SVEP1: variants seen among roughly 807,000 people sequenced by gnomAD.
SVEP1 encodes the protein sushi, von Willebrand factor type A, EGF and pentraxin domain containing 1.
SVEP1 carries 164 observed loss-of-function variants against 367.3 expected under a neutral mutation model. The ratio of observed to expected loss-of-function variants is 0.45; its 90% CI spans 0.39 to 0.51. The LOEUF is 0.51. Ranked by LOEUF, SVEP1 falls within the 20% of genes least tolerant of loss-of-function variation. SVEP1 has a pLI of 0.00. For synonymous variants in SVEP1, 1,666 were observed against 1,611.6 expected (o/e 1.03, Z -0.81); for missense variants, 4,117 against 4,425.3 (o/e 0.93, Z 1.98).
intron 36 of SVEP1, among the ~76,000 whole-genome samples, chr9:110,417,167 C>G (rs1298178253): frequency 6.6e-6 from 1 of 151,370 alleles, no homozygotes; most frequent in Non-Finnish European, 1.5e-5. Flanking sequence ...GTGAGCGACG[C>G]AGAAGACGGG....
At chr9:110,373,594 G>A (rs1049171645) in intron 46 of SVEP1, among the ~76,000 whole-genome samples, 15 of 146,312 alleles carry the variant, frequency 1.0e-4, no homozygotes, top group Non-Finnish European at 1.5e-5. Context: ...TGGTATGTCA[G>A]AATTAATACT....
chr9:110,384,763 TC>T (rs1385778445), intron 43 of SVEP1, among the ~76,000 whole-genome samples: 1 of 152,156 alleles, frequency 6.6e-6, no homozygotes, highest in East Asian at 1.9e-4. Flanking sequence ...GATTCCAGAA[TC>T]CCCATGACCT....
At position 110,443,707 on chromosome 9, in the gene SVEP1, C is replaced by G; in HGVS notation, c.4477G>C (p.Val1493Leu). 6.2e-7 allele frequency: 1 copy of G among 1,605,182 alleles called. No individual in the cohort carries two copies. The highest frequency in any genetic ancestry group is 8.5e-7 in the Non-Finnish European group (1 of 1,175,430). ...LTDYNGWVLY[V>L]NGREKITNCP... ...TTTGTTATCTTTTCCCTGCCATTCA[C>G]ATAAAGAACCCAGCTGTAGAGAGAA... Residue 1493 changes from valine (V) to leucine (L), a missense_variant, in exon 27 of 48, where the codon GTG becomes CTG. This residue lies in a region of SVEP1 where 2,174 missense variants were observed against 2,494.3 expected (regional missense o/e 0.87). Coordinates refer to ENST00000374469, the MANE Select transcript of SVEP1 (RefSeq NM_153366.4).
chr9:110,402,302 G>C (rs1588035428), intron 39 of SVEP1, among the ~76,000 whole-genome samples: 1 of 151,964 alleles, frequency 6.6e-6, no homozygotes, highest in African/African-American at 2.4e-5. Flanking sequence ...TTGTAACTCT[G>C]TGATATGTTT....
intron 6 of SVEP1, among the ~76,000 whole-genome samples, chr9:110,501,531 C>T (rs1345856718): frequency 6.6e-6 from 1 of 151,878 alleles, no homozygotes; most frequent in Admixed American, 6.6e-5. Context: ...TTGTAGTCTA[C>T]AAATGATGAT....
At chr9:110,393,243 C>G (rs1034354241) in intron 40 of SVEP1, among the ~76,000 whole-genome samples, 1 of 152,006 alleles carries the variant, frequency 6.6e-6, no homozygotes, top group African/African-American at 2.4e-5. Context: ...GAAAACACTC[C>G]GAATGTAATC....
chr9:110,562,137 A>T (rs995221437), intron 1 of SVEP1, among the ~76,000 whole-genome samples: 2 of 148,748 alleles, frequency 1.3e-5, no homozygotes, highest in Non-Finnish European at 1.5e-5. Context: ...AAAATGGTTT[A>T]AAAAAAACAT....
intron 16 of SVEP1, among the ~76,000 whole-genome samples, chr9:110,470,604 T>TG (rs1025196825): frequency 4.6e-5 from 7 of 151,842 alleles, no homozygotes; most frequent in African/African-American, 7.3e-5. Flanking sequence ...GGCTAATTTT[T>TG]GGGGTATTTT....
chr9:110,423,721 C>T (rs1326972037), intron 36 of SVEP1, among the ~76,000 whole-genome samples: 1 of 152,072 alleles, frequency 6.6e-6, no homozygotes, highest in Admixed American at 6.5e-5. Flanking sequence ...AACGAAGCCA[C>T]AGATAAGCAG....
chr9:110,545,836 A>G (rs902483745), intron 3 of SVEP1, among the ~76,000 whole-genome samples: 2 of 152,178 alleles, frequency 1.3e-5, no homozygotes, highest in African/African-American at 4.8e-5. Context: ...GAGGCCACAT[A>G]AAGGACAGCC....
rs1304926191 is a variant in SVEP1, at chr9:110,406,375, G to A, written c.9225C>T (p.Ile3075=). 1.2e-6 allele frequency: 2 copies of A among 1,614,078 alleles called. No homozygotes were observed. The highest frequency in any genetic ancestry group is 1.7e-5 in the Admixed American group (1 of 60,036). ...TTTCCTTCCAAGAGCTGGTCTCACT[G>A]ATGAACGCATTTGGTATCATTGGAA... ...GSLPMIPNAF[I]SETSSWKENV... The change falls in exon 38 of 48, where the codon ATC becomes ATT. Residue 3075 remains isoleucine, a synonymous_variant. Coordinates refer to ENST00000374469, the MANE Select transcript of SVEP1 (RefSeq NM_153366.4).
chr9:110,391,252 A>G (rs1487273211), intron 40 of SVEP1, among the ~76,000 whole-genome samples: 1 of 147,988 alleles, frequency 6.8e-6, no homozygotes, highest in South Asian at 2.1e-4. Flanking sequence ...CAGCAACCTG[A>G]TGGGTCATTA....
chr9:110,391,907 T>C lies in SVEP1; in HGVS notation c.9823-2320A>G, dbSNP rs117348943. On this transcript the variant is annotated intron_variant, in intron 40 of 47. Transcript: ENST00000374469. The stretch of plus-strand genomic sequence containing the variant: ...TCTTCCAAAACACTGAGGGACCAAA[T>C]AGAACAAAACATGGAAGGAGGAAAT... 3.6e-3 allele frequency among the ~76,000 whole-genome samples: 551 copies of C among 151,984 alleles called. 1 individual carries two copies. The highest frequency in any genetic ancestry group is 8.7e-3 in the Admixed American group (133 of 15,240).
intron 6 of SVEP1, among the ~76,000 whole-genome samples, chr9:110,502,088 T>C (rs907727817): frequency 6.6e-6 from 1 of 150,960 alleles, no homozygotes; most frequent in Non-Finnish European, 1.5e-5. Flanking sequence ...CTATATGGTA[T>C]GGAAAGTTCT....
At chr9:110,491,137 A>AT (rs1829359801) in intron 8 of SVEP1, among the ~76,000 whole-genome samples, 1 of 151,902 alleles carries the variant, frequency 6.6e-6, no homozygotes, top group African/African-American at 2.4e-5. Context: ...TCCATCTATT[A>AT]TGAAATAGTA....
rs781439987 is a variant in SVEP1 at position 110,387,317 on chromosome 9, C to G, written c.10028G>C (p.Gly3343Ala). ...GAGAGGGACTGGGTGGCTCCAGGTT[C>G]CATTTTCTGTGCAGTGTGCCTCAGA... is the stretch of plus-strand genomic sequence containing the variant. The part of the protein sequence containing the change: ...GPSEAHCTEN[G>A]TWSHPVPLCK... The change falls in exon 42 of 48, where the codon GGA (glycine) becomes GCA (alanine). Residue 3343 changes from glycine to alanine, a missense_variant. By Grantham distance (60) the Gly-to-Ala change is moderately conservative. Transcript: ENST00000374469. 6.2e-7 allele frequency: 1 copy of G among 1,605,848 alleles called. No homozygotes were observed. The highest frequency in any genetic ancestry group is 1.3e-5 in the African/African-American group (1 of 74,370).
At chr9:110,536,381 C>T (rs1830079833) in intron 3 of SVEP1, among the ~76,000 whole-genome samples, 1 of 151,936 alleles carries the variant, frequency 6.6e-6, no homozygotes. Flanking sequence ...AAACTGTTTC[C>T]TCTTCTGCAA....
intron 3 of SVEP1, among the ~76,000 whole-genome samples, chr9:110,528,091 C>CACACACAT (rs1829964093): frequency 7.0e-6 from 1 of 143,762 alleles, no homozygotes; most frequent in African/African-American, 2.6e-5. Context: ...TATATATACA[C>CACACACAT]ACACACATAC....
At position 110,366,505 on chromosome 9, in the gene SVEP1, C is replaced by T. The variant is rs1233350818; in HGVS notation, c.*34G>A. ...CAGGCACTACCGAGGAGAGATGATC[C>T]TGCTTTTGGGAGAGCCAGATGGTCG... On this transcript the variant is annotated 3_prime_UTR_variant, in exon 48 of 48. Transcript: ENST00000374469. 2 of 1,541,346 alleles carry T rather than the reference C, an allele frequency of 1.3e-6. No individual in the cohort carries two copies. The highest frequency in any genetic ancestry group is 1.7e-6 in the Non-Finnish European group (2 of 1,146,538).
Sources: gnomAD v4.1 joint callset for allele counts (sites outside exome capture counted in the v4.1 genomes callset) on GRCh38, gnomAD v4.1.1 for gene constraint, gnomAD v4.1.1 regional missense constraint, MANE v1.5 for transcripts, NCBI Gene and HGNC (gene_info 2026-07-23, HGNC 2026-07-21) for gene names.